Variants in KLHL8 observed in about 807,000 individuals in gnomAD.
KLHL8 encodes the protein kelch-like protein 8.
Under a neutral mutation model 63.5 loss-of-function variants are expected in KLHL8, and 38 were observed. The ratio of observed to expected loss-of-function variants is 0.60; its 90% CI spans 0.46 to 0.78. KLHL8 has a LOEUF of 0.78. KLHL8 is among the 30% of genes least tolerant of loss of function. KLHL8 has a pLI of 0.00. For missense variants in KLHL8, 566 were observed against 752.4 expected (o/e 0.75, Z 2.90); for synonymous variants, 224 against 254.3 (o/e 0.88, Z 1.13).
At chr4:87,170,042 A>G (rs1469602605) in intron 8 of KLHL8, 37 bp downstream of exon 8, 1 of 1,526,430 alleles carries the variant, frequency 6.6e-7, no homozygotes. Context: ...TTGTCATTGT[A>G]TATACTGATA....
At chr4:87,229,566 G>T (rs1345695380) in intron 1 of KLHL8, among the ~76,000 whole-genome samples, 1 of 151,644 alleles carries the variant, frequency 6.6e-6, no homozygotes, top group Non-Finnish European at 1.5e-5. Flanking sequence ...CAAGTAGCTG[G>T]GACTACAGGT....
intron 8 of KLHL8, among the ~76,000 whole-genome samples, chr4:87,166,607 T>C (rs1020869588): frequency 6.6e-6 from 1 of 152,230 alleles, no homozygotes; most frequent in Non-Finnish European, 1.5e-5. Context: ...AAGTGTGTTG[T>C]GTGAACCTGA....
intron 1 of KLHL8, chr4:87,240,220 G>A (rs1733304093): frequency 6.6e-6 from 1 of 152,084 alleles, no homozygotes. Context: ...TTAGATTAAG[G>A]AATCGTTAGA....
intron 1 of KLHL8, among the ~76,000 whole-genome samples, chr4:87,200,154 A>AG (rs1159791843): frequency 6.1e-4 from 91 of 149,308 alleles, no homozygotes; most frequent in Admixed American, 1.1e-3. Context: ...AAAAAAAAAA[A>AG]AAAAAAGAAA....
At chr4:87,166,996 C>A in intron 8 of KLHL8, 1 of 193,706 alleles carries the variant, frequency 5.2e-6, no homozygotes, top group Non-Finnish European at 1.1e-5. Context: ...AGACGCTGCC[C>A]TTCTTGCTGC....
At chr4:87,206,341 T>C (rs1732131372) in intron 1 of KLHL8, among the ~76,000 whole-genome samples, 1 of 152,210 alleles carries the variant, frequency 6.6e-6, no homozygotes, top group African/African-American at 2.4e-5. Flanking sequence ...CTTTCCAAAC[T>C]GCTTAATGTA....
chr4:87,170,346 A>C (rs1730588354), intron 7 of KLHL8, 101 bp downstream of exon 7: 1 of 1,422,834 alleles, frequency 7.0e-7, no homozygotes, highest in South Asian at 1.4e-5. Context: ...ATAATATGAT[A>C]TATAATATCT....
chr4:87,226,641 A>G (rs1322317894), intron 1 of KLHL8, among the ~76,000 whole-genome samples: 4 of 87,616 alleles, frequency 4.6e-5, no homozygotes, highest in African/African-American at 1.7e-4. Flanking sequence ...ACTTATATAA[A>G]TAATATATAT....
intron 6 of KLHL8, among the ~76,000 whole-genome samples, chr4:87,175,030 C>G (rs1438758361): frequency 6.6e-6 from 1 of 152,146 alleles, no homozygotes; most frequent in South Asian, 2.1e-4. Flanking sequence ...GTATTACTAA[C>G]CTGCTAGTTT....
intron 1 of KLHL8, among the ~76,000 whole-genome samples, chr4:87,210,453 C>G (rs535973854): frequency 6.6e-6 from 1 of 152,094 alleles, no homozygotes; most frequent in South Asian, 2.1e-4. Flanking sequence ...TGCACTCCAG[C>G]CTGGGCGACA....
intron 8 of KLHL8, among the ~76,000 whole-genome samples, chr4:87,164,896 C>G (rs187709115): frequency 2.0e-5 from 3 of 151,920 alleles, no homozygotes; most frequent in Non-Finnish European, 4.4e-5. Context: ...CGCCTGTAAT[C>G]CCAGCACTTT....
At chr4:87,197,205 C>A (rs1396560185) in intron 1 of KLHL8, among the ~76,000 whole-genome samples, 1 of 66,832 alleles carries the variant, frequency 1.5e-5, no homozygotes, top group East Asian at 2.6e-4. Flanking sequence ...CTGTGACTTG[C>A]TTCTAATTGA....
intron 1 of KLHL8, among the ~76,000 whole-genome samples, chr4:87,239,951 G>C (rs745346990): frequency 3.9e-5 from 6 of 152,046 alleles, no homozygotes; most frequent in Non-Finnish European, 8.8e-5. Flanking sequence ...GAGTTTCTAT[G>C]ATCTTAACCC....
chr4:87,169,224 G>C (rs890665072), intron 8 of KLHL8, among the ~76,000 whole-genome samples: 10 of 152,136 alleles, frequency 6.6e-5, no homozygotes, highest in African/African-American at 2.4e-4. Flanking sequence ...AGAATTGCTT[G>C]AACATGTGTG....
Position 87,226,414 on chromosome 4 carries a change from T to C in KLHL8, n.58-5024A>G, listed in dbSNP as rs150906345. Reference sequence around the variant, plus strand: ...CCTGTCTCTACTAAAAATACAAAAATTAGCCGGGCATGGCGGTGCACGCCT... The same window carrying C: ...CCTGTCTCTACTAAAAATACAAAAACTAGCCGGGCATGGCGGTGCACGCCT... On this transcript the variant is annotated intron_variant and non_coding_transcript_variant, in intron 1 of 1. Coordinates refer to the KLHL8 transcript ENST00000506274. 7.3e-4 allele frequency among the ~76,000 whole-genome samples: 110 copies of C among 150,472 alleles called. 1 individual carries two copies. The highest frequency in any genetic ancestry group is 2.6e-3 in the African/African-American group (107 of 40,986).
At chr4:87,182,630 A>C (rs1731099106) in intron 4 of KLHL8, among the ~76,000 whole-genome samples, 2 of 152,196 alleles carry the variant, frequency 1.3e-5, no homozygotes, top group Non-Finnish European at 2.9e-5. Flanking sequence ...AGCGAACATG[A>C]ACTATTTTCT....
At chr4:87,168,318 C>A (rs894368684) in intron 8 of KLHL8, among the ~76,000 whole-genome samples, 1 of 151,926 alleles carries the variant, frequency 6.6e-6, no homozygotes, top group Admixed American at 6.6e-5. Context: ...GAAATCTGGC[C>A]GTGAAATTAG....
intron 1 of KLHL8, among the ~76,000 whole-genome samples, chr4:87,229,791 C>G (rs1299541185): frequency 6.6e-6 from 1 of 150,412 alleles, no homozygotes; most frequent in Non-Finnish European, 1.5e-5. Flanking sequence ...AGTGCAGTGG[C>G]ACAATCTCAG....
intron 8 of KLHL8, among the ~76,000 whole-genome samples, chr4:87,165,149 CAAAAAAAAA>C (rs71660120): frequency 1.8e-4 from 6 of 34,144 alleles, no homozygotes; most frequent in African/African-American, 2.5e-4. Context: ...GACTCTGTCT[CAAAAAAAAA>C]AAAAAAAAAA....
Sources: allele counts gnomAD v4.1 joint callset (sites outside exome capture counted in the v4.1 genomes callset), GRCh38; gene constraint gnomAD v4.1.1; transcripts MANE v1.5; gene names NCBI Gene and HGNC (gene_info 2026-07-23, HGNC 2026-07-21).